C2orf92: variants seen among roughly 807,000 people sequenced by gnomAD.
C2orf92 encodes uncharacterized protein C2orf92.
At chr2:97,670,984 C>T (rs2104531716) in intron 1 of C2orf92, 1 of 152,192 alleles carries the variant, frequency 6.6e-6, no homozygotes, top group African/African-American at 2.4e-5. Flanking sequence ...TGGAGTGTCG[C>T]TCTCTCACCC....
At chr2:97,693,134 G>A (rs1448516461) in intron 5 of C2orf92, among the ~76,000 whole-genome samples, 1 of 152,106 alleles carries the variant, frequency 6.6e-6, no homozygotes, top group Non-Finnish European at 1.5e-5. Context: ...CAAGGTTAAT[G>A]CATGTTGTAG....
At chr2:97,691,614 T>C (rs1490979002) in intron 5 of C2orf92, among the ~76,000 whole-genome samples, 1 of 152,170 alleles carries the variant, frequency 6.6e-6, no homozygotes, top group African/African-American at 2.4e-5. Context: ...CTGGTAAATA[T>C]GTGGTCTTTC....
intron 3 of C2orf92, among the ~76,000 whole-genome samples, chr2:97,684,543 A>G (rs984782136): frequency 6.6e-6 from 1 of 152,218 alleles, no homozygotes; most frequent in African/African-American, 2.4e-5. Flanking sequence ...CATAGGTGAA[A>G]ATCTTCATGA....
upstream of C2orf92, among the ~76,000 whole-genome samples, chr2:97,666,309 G>A (rs968373335): frequency 1.3e-5 from 2 of 151,800 alleles, no homozygotes; most frequent in East Asian, 2.0e-4. Flanking sequence ...AGGCCGAGGC[G>A]GGCAGATCAC....
chr2:97,663,942 T>TGGGCGGGC (rs770107213), upstream of C2orf92: 3 of 189,738 alleles, frequency 1.6e-5, no homozygotes, highest in East Asian at 4.5e-4. Flanking sequence ...AGGCACCGGA[T>TGGGCGGGC]GGGCGGGCGG....
Position 97,688,928 on chromosome 2 carries a change from C to T in C2orf92, c.266C>T (p.Pro89Leu), listed in dbSNP as rs371744884. The change falls in exon 4 of 8, where the codon CCG (proline) becomes CTG (leucine). Residue 89 changes from proline to leucine, a missense_variant. By Grantham distance (98) the Pro-to-Leu change is moderately conservative (BLOSUM62 -3). Coordinates refer to ENST00000627399, the MANE Select transcript of C2orf92 (RefSeq NM_001351368.2). Reference protein sequence around the residue: ...EILLQVFPKFPYDPSFNEATA... With the variant: ...EILLQVFPKFLYDPSFNEATA... The stretch of plus-strand genomic sequence containing the variant: ...CTACTGCAGGTGTTTCCAAAGTTTC[C>T]GTATGACCCATCATTTAACGAAGCA... 3 of 398,418 alleles carry T rather than the reference C, an allele frequency of 7.5e-6. No individual in the cohort carries two copies. Among genetic ancestry groups the T allele is most frequent in the Non-Finnish European group, 1.3e-5 (3 of 226,056 alleles). The allele number at this position is 398,418 out of a possible 1,614,324, so 24.7% of individuals were successfully genotyped here. A position where few individuals can be genotyped will look rare whatever the true frequency, so the allele number is the denominator to read the frequency against.
At chr2:97,673,034 T>C (rs1213510245) in intron 1 of C2orf92, among the ~76,000 whole-genome samples, 1 of 152,218 alleles carries the variant, frequency 6.6e-6, no homozygotes, top group Non-Finnish European at 1.5e-5. Context: ...ATTTCAAAAA[T>C]GTAACCCTTG....
In C2orf92 at chr2:97,701,180, G is replaced by A. The variant is rs766779205; in HGVS notation, c.541G>A (p.Gly181Arg). 1.2e-4 allele frequency: 49 copies of A among 399,024 alleles called. No homozygotes were observed. The highest frequency in any genetic ancestry group is 1.6e-4 in the African/African-American group (8 of 48,732). 24.7% of individuals were successfully genotyped at this position (399,024 alleles called of 1,614,324 possible). A position where few individuals can be genotyped will look rare whatever the true frequency, so the allele number is the denominator to read the frequency against. ...TGCTCACTTTAGGACTATGCCCTGC[G>A]GGCAGCTTCTGCACTTCCTGCAGAG... ...PDAHFRTMPC[G>R]QLLHFLQRNT... Residue 181 changes from glycine to arginine, a missense_variant, in exon 7 of 8, where the codon GGG (glycine) becomes AGG (arginine). By Grantham distance (125) the Gly-to-Arg change is moderately radical. Transcript: ENST00000627399.
intron 3 of C2orf92, among the ~76,000 whole-genome samples, chr2:97,679,837 CAAAAAAAAAAA>C (rs55696146): frequency 2.1e-5 from 2 of 94,758 alleles, no homozygotes; most frequent in Admixed American, 2.4e-4. Flanking sequence ...AACTCTATCT[CAAAAAAAAAAA>C]AAAAAGAAAA....
chr2:97,683,076 CCACACACA>C (rs760650490), intron 3 of C2orf92, among the ~76,000 whole-genome samples: 32 of 143,266 alleles, frequency 2.2e-4, no homozygotes, highest in Middle Eastern at 3.5e-3. Flanking sequence ...CATATAGACT[CCACACACA>C]CACACACACA....
chr2:97,665,845 T>G (rs1340308819), upstream of C2orf92: 1 of 151,018 alleles, frequency 6.6e-6, no homozygotes, highest in African/African-American at 2.4e-5. Flanking sequence ...TTGCCTGATA[T>G]CAGCTCACTG....
chr2:97,687,935 G>A (rs1032185110), intron 3 of C2orf92, among the ~76,000 whole-genome samples: 5 of 150,852 alleles, frequency 3.3e-5, no homozygotes, highest in African/African-American at 7.4e-5. Context: ...CCTTGTTCTC[G>A]GCCTTGCAGG....
At chr2:97,669,646 A>G (rs1055524437), upstream of C2orf92, 6 of 393,286 alleles carry the variant, frequency 1.5e-5, no homozygotes, top group Non-Finnish European at 2.2e-5. Flanking sequence ...TCCCCTTCTC[A>G]TGGTTGAGCA....
upstream of C2orf92, among the ~76,000 whole-genome samples, chr2:97,666,303 C>T (rs551217720): frequency 1.5e-4 from 23 of 151,812 alleles, no homozygotes; most frequent in South Asian, 1.0e-3. Flanking sequence ...TTTGGAAGGC[C>T]GAGGCGGGCA....
At chr2:97,694,152 A>T (rs570238265) in intron 5 of C2orf92, among the ~76,000 whole-genome samples, 1 of 152,246 alleles carries the variant, frequency 6.6e-6, no homozygotes, top group African/African-American at 2.4e-5. Context: ...AAGTGCAATC[A>T]TACAGTATTT....
At chr2:97,695,357 A>T (rs1676274995) in intron 5 of C2orf92, among the ~76,000 whole-genome samples, 1 of 152,196 alleles carries the variant, frequency 6.6e-6, no homozygotes, top group Admixed American at 6.5e-5. Context: ...ATAAGGCTCT[A>T]ACTTTATTCT....
intron 5 of C2orf92, chr2:97,697,428 T>C (rs1573228561): frequency 6.6e-6 from 1 of 152,316 alleles, no homozygotes; most frequent in African/African-American, 2.4e-5. Flanking sequence ...CTACCATTGC[T>C]GCAGCTCTGT....
At chr2:97,676,359 G>A (rs921635462) in intron 3 of C2orf92, among the ~76,000 whole-genome samples, 22 of 147,970 alleles carry the variant, frequency 1.5e-4, no homozygotes, top group African/African-American at 3.8e-4. Context: ...GCTTGAACCC[G>A]GGAGGCGGAG....
chr2:97,669,857 G>A (rs554076662), intron 1 of C2orf92, 23 bp downstream of exon 1: 36 of 398,694 alleles, frequency 9.0e-5, no homozygotes, highest in African/African-American at 6.2e-4. Flanking sequence ...GGCAGCTGGA[G>A]AGAAACATGG....
Sources: allele counts gnomAD v4.1 joint callset (sites outside exome capture counted in the v4.1 genomes callset), GRCh38; gene constraint gnomAD v4.1.1; transcripts MANE v1.5; gene names NCBI Gene and HGNC (gene_info 2026-07-23, HGNC 2026-07-21).